FRY: variants seen among roughly 807,000 people sequenced by gnomAD.
FRY encodes FRY microtubule binding protein, also known as protein furry homolog.
In FRY, 128 loss-of-function variants were observed where a neutral mutation model predicts 348.4. The observed-to-expected ratio is 0.37, with a 90% CI of 0.32 to 0.43. The LOEUF (loss-of-function observed/expected upper bound fraction) is 0.43. Ranked by LOEUF, FRY falls within the 20% of genes least tolerant of loss-of-function variation. The probability of loss-of-function intolerance (pLI) is 1.00; values close to 1 mark genes in which losing one functional copy is unlikely to be tolerated. For synonymous variants in FRY, 1,370 were observed against 1,374.7 expected (o/e 1.00, Z 0.08); for missense variants, 2,736 against 3,695.2 (o/e 0.74, Z 6.73).
intron 28 of FRY, among the ~76,000 whole-genome samples, chr13:32,192,313 T>C (rs1276786621): frequency 6.6e-6 from 1 of 152,118 alleles, no homozygotes; most frequent in Non-Finnish European, 1.5e-5. Context: ...TTTGTTTTGT[T>C]TTTGAGACGG....
chr13:32,074,961 A>C (rs1874938276), intron 1 of FRY, among the ~76,000 whole-genome samples: 1 of 152,238 alleles, frequency 6.6e-6, no homozygotes, highest in Admixed American at 6.5e-5. Context: ...TGCTTGCAGG[A>C]CTGGGTAAAA....
intron 4 of FRY, among the ~76,000 whole-genome samples, chr13:32,117,920 A>G (rs1878406327): frequency 6.6e-6 from 1 of 152,158 alleles, no homozygotes; most frequent in Non-Finnish European, 1.5e-5. Context: ...GCCACTATTT[A>G]GCCATGTGAC....
chr13:32,118,739 C>T (rs1015725078), intron 4 of FRY, among the ~76,000 whole-genome samples: 1 of 152,122 alleles, frequency 6.6e-6, no homozygotes, highest in African/African-American at 2.4e-5. Flanking sequence ...ATCCTGTACC[C>T]ATTAGCAGCC....
chr13:32,185,181 A>G lies in FRY; in HGVS notation c.3319+33A>G, dbSNP rs562271954. 4 of 1,595,128 alleles carry G rather than the reference A, an allele frequency of 2.5e-6. No homozygotes were observed. In the East Asian group the frequency reaches 6.7e-5, roughly 27 times the overall value. On this transcript the variant is annotated intron_variant, in intron 26 of 60. Coordinates refer to ENST00000542859, the MANE Select transcript of FRY (RefSeq NM_023037.3). ...GATCCGTTACAAGAAATTACCATTC[A>G]TGCTTGGAAGCCCATTCGTGTTCTT...
rs2138462702 is a variant in FRY, at chr13:32,239,224, T to C, written c.6419-28T>C. The C allele has an allele frequency of 7.8e-7, 1 of 1,288,948 alleles. No homozygotes were observed. The highest frequency in any genetic ancestry group is 2.3e-5 in the East Asian group (1 of 43,440). The allele number at this position is 1,288,948 out of a possible 1,614,324, so 79.8% of individuals were successfully genotyped here. A position where few individuals can be genotyped will look rare whatever the true frequency, so the allele number is the denominator to read the frequency against. Reference sequence around the variant, plus strand: ...ACAGCTAAAATATACCATATTCAGCTATCTCCATTGTATCTTCTCTAATCC... The same window carrying C: ...ACAGCTAAAATATACCATATTCAGCCATCTCCATTGTATCTTCTCTAATCC... On this transcript the variant is annotated intron_variant, in intron 44 of 60. Coordinates refer to ENST00000542859, the MANE Select transcript of FRY (RefSeq NM_023037.3). The surrounding 1 kb of genome is among the most constrained non-coding windows in gnomAD (Gnocchi z 4.3).
chr13:32,037,051 CACACACAA>C (rs775437995), intron 1 of FRY, among the ~76,000 whole-genome samples: 5,049 of 111,030 alleles, frequency 0.045, 124 homozygotes, highest in African/African-American at 0.095. Context: ...CACACACACA[CACACACAA>C]ACACACACAC....
chr13:32,224,114 A>G, intron 36 of FRY, 121 bp from the exon 37 acceptor site: 1 of 1,016,426 alleles, frequency 9.8e-7, no homozygotes, highest in Non-Finnish European at 1.5e-6. Context: ...AAATTTAAAA[A>G]TGAAAAATAA....
rs375046392 is a variant in FRY at position 32,040,469 on chromosome 13, C to A, written c.70+8604C>A. 9.9e-5 allele frequency among the ~76,000 whole-genome samples: 15 copies of A among 152,166 alleles called. No individual in the cohort carries two copies. In the East Asian group the frequency reaches 1.7e-3, roughly 18 times the overall value. ...ATCATGATATTCATCAGTTATTTCTCCTGCACCATTAAAGCCAGACTGAAG... is the reference window on the plus strand; with the variant it reads ...ATCATGATATTCATCAGTTATTTCTACTGCACCATTAAAGCCAGACTGAAG... On this transcript the variant is annotated intron_variant, in intron 1 of 60. Transcript: ENST00000542859.
At chr13:32,118,236 TA>T (rs755895431) in intron 4 of FRY, among the ~76,000 whole-genome samples, 1 of 151,888 alleles carries the variant, frequency 6.6e-6, no homozygotes, top group African/African-American at 2.4e-5. Flanking sequence ...TTACCTTTTT[TA>T]AAAAAAATAA....
chr13:32,226,024 A>T, intron 39 of FRY, 50 bp downstream of exon 39: 2 of 1,541,542 alleles, frequency 1.3e-6, no homozygotes, highest in Non-Finnish European at 1.8e-6. Flanking sequence ...AAATGCAGAG[A>T]TAACTAACTG....
In FRY at chr13:32,237,917, A is replaced by T; in HGVS notation, c.6349A>T (p.Thr2117Ser). The T allele has an allele frequency of 6.2e-7, 1 of 1,614,026 alleles. No individual in the cohort carries two copies. Among genetic ancestry groups the T allele is most frequent in the African/African-American group, 1.3e-5 (1 of 75,016 alleles). Residue 2117 changes from threonine (T) to serine (S), a missense_variant, in exon 44 of 61, where the codon ACC (threonine) becomes TCC (serine). By Grantham distance (58) the Thr-to-Ser change is moderately conservative. Coordinates refer to ENST00000542859, the MANE Select transcript of FRY (RefSeq NM_023037.3). This position sits in a 1 kb window ranked among gnomAD's most constrained non-coding sequence, Gnocchi z 6.3. The part of the protein sequence containing the change: ...GFTSLTTTDL[T>S]LQLFSLLTPV... ...CACATCCCTCACCACCACAGACCTG[A>T]CCCTGCAGCTCTTCAGTCTGCTGAC...
intron 3 of FRY, among the ~76,000 whole-genome samples, chr13:32,105,327 G>A (rs1877467216): frequency 1.3e-5 from 2 of 152,180 alleles, no homozygotes; most frequent in Non-Finnish European, 2.9e-5. Context: ...TGGAAGTAGA[G>A]ACCGAACCTT....
intron 22 of FRY, 28 bp from the exon 23 acceptor site, chr13:32,179,647 T>G: frequency 6.2e-7 from 1 of 1,612,994 alleles, no homozygotes; most frequent in South Asian, 1.1e-5. Flanking sequence ...ATGTTACCTC[T>G]TTTTCACTTG....
intron 23 of FRY, among the ~76,000 whole-genome samples, chr13:32,180,098 A>G (rs1882607377): frequency 6.6e-6 from 1 of 152,274 alleles, no homozygotes; most frequent in South Asian, 2.1e-4. Flanking sequence ...CCAGTTGGCC[A>G]GACTGTTCAG....
At chr13:32,126,867 AGTAAT>A (rs1402932545) in intron 7 of FRY, among the ~76,000 whole-genome samples, 2 of 152,230 alleles carry the variant, frequency 1.3e-5, no homozygotes, top group African/African-American at 4.8e-5. Flanking sequence ...AAAAAAGTTG[AGTAAT>A]GTAATAATTC....
chr13:32,080,650 C>G (rs1875419789), intron 2 of FRY, among the ~76,000 whole-genome samples: 1 of 152,190 alleles, frequency 6.6e-6, no homozygotes, highest in Admixed American at 6.5e-5. Flanking sequence ...AGTCCCATTG[C>G]CCAGAACAGG....
chr13:32,074,152 T>A (rs1408956613), intron 1 of FRY, among the ~76,000 whole-genome samples: 1 of 152,064 alleles, frequency 6.6e-6, no homozygotes, highest in Non-Finnish European at 1.5e-5. Flanking sequence ...AAAATAGACT[T>A]CTCATAATTT....
Position 32,247,474 on chromosome 13 carries a change from C to A in FRY, c.6980C>A (p.Thr2327Asn), listed in dbSNP as rs377606246. ...TSASKELPGK[T>N]LDFHFDISET... ...GCTTCCAAGGAATTACCTGGGAAAA[C>A]CCTGGACTTCCACTTCGATATTTCG... Residue 2327 changes from threonine to asparagine, a missense_variant, in exon 48 of 61, where the codon ACC becomes AAC. Thr to Asn is a moderately conservative substitution (Grantham distance 65, BLOSUM62 0). This residue lies in a region of FRY where 789 missense variants were observed against 996.2 expected (regional missense o/e 0.79). Coordinates refer to ENST00000542859, the MANE Select transcript of FRY (RefSeq NM_023037.3). 6.2e-7 allele frequency: 1 copy of A among 1,613,128 alleles called. No individual in the cohort carries two copies. Among genetic ancestry groups the A allele is most frequent in the Non-Finnish European group, 8.5e-7 (1 of 1,179,310 alleles).
chr13:32,291,965 A>G (rs757508579), intron 59 of FRY: 5 of 451,076 alleles, frequency 1.1e-5, no homozygotes, highest in Non-Finnish European at 1.8e-5. Flanking sequence ...GAACAAATAA[A>G]GTTTTTTTGT....
Sources: gnomAD v4.1 joint callset for allele counts (sites outside exome capture counted in the v4.1 genomes callset) on GRCh38, gnomAD v4.1.1 for gene constraint, gnomAD v4.1.1 regional missense constraint, Gnocchi (gnomAD v3.1) non-coding constraint, MANE v1.5 for transcripts, NCBI Gene and HGNC (gene_info 2026-07-23, HGNC 2026-07-21) for gene names.